PDE8B: variants seen among roughly 807,000 people sequenced by gnomAD.
PDE8B encodes phosphodiesterase 8B, also known as high affinity cAMP-specific and IBMX-insensitive 3',5'-cyclic phosphodiesterase 8B.
PDE8B carries 26 observed loss-of-function variants against 101.3 expected under a neutral mutation model. The ratio of observed to expected loss-of-function variants is 0.26; its 90% CI spans 0.19 to 0.36. The LOEUF is 0.36. PDE8B is among the 10% of genes least tolerant of loss of function. The pLI is 1.00. For synonymous variants in PDE8B, 424 were observed against 429.3 expected (o/e 0.99, Z 0.15); for missense variants, 810 against 1,163.1 (o/e 0.70, Z 4.42).
Position 77,251,387 on chromosome 5 carries a change from C to T in PDE8B, c.339+40123C>T, listed in dbSNP as rs7729842. ...CCTAAGTAAAAATGCCCATCTTTGC[C>T]GCTTAAAGAGCAAGTCCTCTTGAAG... On this transcript the variant is annotated intron_variant, in intron 1 of 21. Transcript: ENST00000264917. Among the ~76,000 whole-genome samples the T allele has an allele frequency of 0.38, 57,211 of 152,134 alleles. 11,427 individuals are homozygous for T. The highest frequency in any genetic ancestry group is 0.73 in the East Asian group (3,769 of 5,180).
the PDE8B span, among the ~76,000 whole-genome samples, chr5:77,089,912 A>T: frequency 6.6e-6 from 1 of 152,258 alleles, no homozygotes; most frequent in Admixed American, 6.5e-5. Flanking sequence ...TCAACAGATC[A>T]GTAAAGAAAA....
At chr5:77,281,801 G>C (rs1415594598) in intron 1 of PDE8B, among the ~76,000 whole-genome samples, 3 of 152,086 alleles carry the variant, frequency 2.0e-5, no homozygotes, top group African/African-American at 7.2e-5. Context: ...AGCCTACCAC[G>C]ACAATGCTTG....
the PDE8B span, among the ~76,000 whole-genome samples, chr5:77,178,998 T>A: frequency 6.6e-6 from 1 of 152,236 alleles, no homozygotes; most frequent in African/African-American, 2.4e-5. Flanking sequence ...ACCTTTGCCA[T>A]GTTCCATAGG....
chr5:77,305,850 C>CT (rs1771081518), intron 1 of PDE8B, among the ~76,000 whole-genome samples: 1 of 152,144 alleles, frequency 6.6e-6, no homozygotes, highest in Admixed American at 6.5e-5. Context: ...CAGCTGGTGT[C>CT]TTTTCAGTGT....
At chr5:77,103,379 T>G in the PDE8B span, among the ~76,000 whole-genome samples, 1 of 152,356 alleles carries the variant, frequency 6.6e-6, no homozygotes, top group African/African-American at 2.4e-5. Flanking sequence ...TCTCCGTGAC[T>G]CAACACGATG....
At position 77,357,078 on chromosome 5, in the gene PDE8B, G is replaced by A. The variant is rs903783335; in HGVS notation, c.1167+3672G>A. Among the ~76,000 whole-genome samples, 4 of 152,152 alleles carry A rather than the reference G, an allele frequency of 2.6e-5. No individual in the cohort carries two copies. In the South Asian group the frequency reaches 6.2e-4, roughly 24 times the overall value. ...GCAAACCTATAGAGAATGTCTTTGC[G>A]GGGAGATGCAGGGCCCCTTTCAATC... On this transcript the variant is annotated intron_variant, in intron 10 of 21. Transcript: ENST00000264917.
At chr5:77,166,224 G>C in the PDE8B span, among the ~76,000 whole-genome samples, 1 of 25,630 alleles carries the variant, frequency 3.9e-5, no homozygotes, top group Admixed American at 3.1e-4. Flanking sequence ...TTTCGGTAAA[G>C]ATAAAAAAAA....
intron 10 of PDE8B, among the ~76,000 whole-genome samples, chr5:77,383,207 CAT>C (rs1441507086): frequency 3.9e-5 from 6 of 152,294 alleles, no homozygotes; most frequent in Non-Finnish European, 8.8e-5. Context: ...AGCTTTCTTT[CAT>C]ATGTTTGTTG....
At chr5:77,256,313 A>G (rs1316914613) in intron 1 of PDE8B, among the ~76,000 whole-genome samples, 2 of 152,178 alleles carry the variant, frequency 1.3e-5, no homozygotes, top group African/African-American at 4.8e-5. Flanking sequence ...ACGCATGCTC[A>G]CACACATTTA....
At chr5:77,417,534 C>G (rs1328686125) in intron 17 of PDE8B, among the ~76,000 whole-genome samples, 3 of 152,200 alleles carry the variant, frequency 2.0e-5, no homozygotes, top group Admixed American at 1.3e-4. Context: ...AGTAGCCCAT[C>G]TGATAACTCC....
At chr5:77,309,166 G>C (rs1206023356) in intron 1 of PDE8B, among the ~76,000 whole-genome samples, 1 of 123,732 alleles carries the variant, frequency 8.1e-6, no homozygotes, top group Non-Finnish European at 1.6e-5. Flanking sequence ...GCGACAGAGT[G>C]AAACTCTGTC....
chr5:77,415,257 C>T (rs1279026058), intron 17 of PDE8B, among the ~76,000 whole-genome samples: 1 of 151,946 alleles, frequency 6.6e-6, no homozygotes, highest in Non-Finnish European at 1.5e-5. Flanking sequence ...GCCTCTTCTA[C>T]CAGATCTGCT....
At chr5:77,132,268 C>T in the PDE8B span, among the ~76,000 whole-genome samples, 1 of 152,152 alleles carries the variant, frequency 6.6e-6, no homozygotes, top group African/African-American at 2.4e-5. Context: ...TTCCACTTTC[C>T]AGACTCAATA....
Position 77,311,985 on chromosome 5 carries a change from T to G in PDE8B, c.340-9T>G, listed in dbSNP as rs1391871358. Reference sequence around the variant, plus strand: ...ACTTGACGCTTCTCTTGTGCTGTCCTTTATTTAGCAGGTGTCTTCTGCGGA... The same window carrying G: ...ACTTGACGCTTCTCTTGTGCTGTCCGTTATTTAGCAGGTGTCTTCTGCGGA... On this transcript the variant is annotated splice_polypyrimidine_tract_variant and intron_variant, in intron 1 of 21. Transcript: ENST00000264917. The G allele has an allele frequency of 6.2e-7, 1 of 1,612,270 alleles. No individual in the cohort carries two copies. The highest frequency in any genetic ancestry group is 8.5e-7 in the Non-Finnish European group (1 of 1,178,248).
intron 1 of PDE8B, among the ~76,000 whole-genome samples, chr5:77,250,723 G>A (rs1757896340): frequency 6.6e-6 from 1 of 152,154 alleles, no homozygotes; most frequent in Admixed American, 6.5e-5. Context: ...AATTGTCTGG[G>A]AGTCACTTTC....
the PDE8B span, among the ~76,000 whole-genome samples, chr5:77,195,574 A>AC: frequency 6.6e-6 from 1 of 152,054 alleles, no homozygotes. Flanking sequence ...AGGGATGCTG[A>AC]CCCCCTGCAC....
chr5:77,245,610 A>G (rs1371114451), intron 1 of PDE8B, among the ~76,000 whole-genome samples: 1 of 152,102 alleles, frequency 6.6e-6, no homozygotes, highest in Non-Finnish European at 1.5e-5. Context: ...TCTTTATTTC[A>G]TGGAGCAGCT....
At chr5:77,290,481 A>G in intron 1 of PDE8B, 1 of 1,466,810 alleles carries the variant, frequency 6.8e-7, no homozygotes, top group African/African-American at 1.4e-5. Flanking sequence ...AGAAGCATGG[A>G]AAATCTGGGC....
At chr5:77,332,837 C>CAA (rs35330679) in intron 5 of PDE8B, among the ~76,000 whole-genome samples, 1 of 108,980 alleles carries the variant, frequency 9.2e-6, no homozygotes, top group Admixed American at 1.0e-4. Context: ...AACTCCGTCT[C>CAA]AAAAAAAAAA....
Sources: allele counts gnomAD v4.1 joint callset (sites outside exome capture counted in the v4.1 genomes callset), GRCh38; gene constraint gnomAD v4.1.1; transcripts MANE v1.5; gene names NCBI Gene and HGNC (gene_info 2026-07-23, HGNC 2026-07-21).